Variants in STAG1 observed in about 807,000 individuals in gnomAD.
STAG1 encodes the protein STAG1 cohesin complex component.
A neutral mutation model predicts 170.9 loss-of-function variants in STAG1; 26 were observed. The ratio of observed to expected loss-of-function variants is 0.15; its 90% CI spans 0.11 to 0.21. The LOEUF (loss-of-function observed/expected upper bound fraction) is 0.21. Ranked by LOEUF, STAG1 falls within the 10% of genes least tolerant of loss-of-function variation. STAG1 has a pLI of 1.00. For missense variants in STAG1, 964 were observed against 1,509.5 expected (o/e 0.64, Z 5.99); for synonymous variants, 514 against 497.7 (o/e 1.03, Z -0.44).
At chr3:136,751,263 G>A (rs1935219677) in intron 1 of STAG1, among the ~76,000 whole-genome samples, 1 of 150,730 alleles carries the variant, frequency 6.6e-6, no homozygotes, top group African/African-American at 2.5e-5. Flanking sequence ...AATGTGAAGA[G>A]AATCGACAGA....
intron 22 of STAG1, among the ~76,000 whole-genome samples, chr3:136,396,806 G>A (rs1184381507): frequency 5.3e-5 from 8 of 152,042 alleles, no homozygotes; most frequent in East Asian, 1.9e-4. Context: ...GATTACAGGC[G>A]CGAGCCACCG....
chr3:136,375,629 G>C lies in STAG1; in HGVS notation c.2370+2031C>G, dbSNP rs115603665. Among the ~76,000 whole-genome samples, 987 of 152,112 alleles carry C rather than the reference G, an allele frequency of 6.5e-3. 10 individuals carry two copies. The highest frequency in any genetic ancestry group is 0.023 in the African/African-American group (958 of 41,492). ...TTTTAACCAGCAGGCCATAGTTTTG[G>C]ACATCACCAAGCAGGTCTGATGCAG... On this transcript the variant is annotated intron_variant, in intron 23 of 33. Transcript: ENST00000383202.
chr3:136,526,084 T>C (rs1342721535), intron 6 of STAG1, among the ~76,000 whole-genome samples: 1 of 152,170 alleles, frequency 6.6e-6, no homozygotes, highest in Non-Finnish European at 1.5e-5. Flanking sequence ...TAATTTGGGG[T>C]GGAGAGTTCT....
intron 1 of STAG1, among the ~76,000 whole-genome samples, chr3:136,674,120 A>G (rs995151432): frequency 3.5e-4 from 21 of 59,536 alleles, no homozygotes; most frequent in Non-Finnish European, 4.2e-4. Context: ...AAAAAAAGGG[A>G]GGGAGGGAGG....
intron 7 of STAG1, 51 bp downstream of exon 7, chr3:136,521,162 A>G: frequency 7.0e-7 from 1 of 1,428,176 alleles, no homozygotes; most frequent in Non-Finnish European, 9.8e-7. Context: ...ATCAGAATAA[A>G]ACATAGTCAA....
At chr3:136,683,185 C>T (rs185378396) in intron 1 of STAG1, among the ~76,000 whole-genome samples, 75 of 151,908 alleles carry the variant, frequency 4.9e-4, no homozygotes, top group Non-Finnish European at 3.2e-4. Context: ...ATTGGTTGCA[C>T]AACAATGGGA....
At position 136,588,717 on chromosome 3, in the gene STAG1, T is replaced by TC. The variant is rs1937976741; in HGVS notation, c.297+15591dup. Among the ~76,000 whole-genome samples the TC allele has an allele frequency of 2.0e-5, 3 of 151,676 alleles. No homozygotes were observed. The South Asian group carries it at 6.2e-4, about 31-fold the overall frequency. Reference sequence around the variant, plus strand: ...ATCTCAACTCACCACAACCTCCGCCTCCCGGGTTCAAGTGATTCTGCTGCC... The same window carrying TC: ...ATCTCAACTCACCACAACCTCCGCCTCCCCGGGTTCAAGTGATTCTGCTGCC... On this transcript the variant is annotated intron_variant, in intron 4 of 33. Transcript: ENST00000383202.
intron 13 of STAG1, among the ~76,000 whole-genome samples, chr3:136,462,520 G>A (rs1169464955): frequency 2.0e-5 from 3 of 152,116 alleles, no homozygotes; most frequent in East Asian, 1.9e-4. Flanking sequence ...TAGAATGATC[G>A]CTACCAGAGG....
chr3:136,646,286 G>A (rs1283276893), intron 1 of STAG1, among the ~76,000 whole-genome samples: 1 of 152,112 alleles, frequency 6.6e-6, no homozygotes, highest in African/African-American at 2.4e-5. Context: ...ACCATGCCTG[G>A]CTCAGGTGGA....
chr3:136,381,432 T>G (rs188415139), intron 22 of STAG1, among the ~76,000 whole-genome samples: 133 of 152,180 alleles, frequency 8.7e-4, no homozygotes, highest in African/African-American at 2.8e-3. Flanking sequence ...TAATTAACAA[T>G]GACAAATGCC....
chr3:136,398,525 A>C (rs938590237), intron 22 of STAG1, among the ~76,000 whole-genome samples: 2 of 152,064 alleles, frequency 1.3e-5, no homozygotes, highest in African/African-American at 4.8e-5. Context: ...ATATATATAC[A>C]CACACATAAC....
intron 3 of STAG1, among the ~76,000 whole-genome samples, chr3:136,614,079 G>A (rs1939455524): frequency 6.6e-6 from 1 of 152,138 alleles, no homozygotes; most frequent in Non-Finnish European, 1.5e-5. Context: ...AGCCAGGCAT[G>A]GTGGTACGCG....
chr3:136,549,102 G>A (rs1486130033), intron 5 of STAG1, among the ~76,000 whole-genome samples: 1 of 152,122 alleles, frequency 6.6e-6, no homozygotes, highest in Non-Finnish European at 1.5e-5. Flanking sequence ...TACAGCAGTG[G>A]AAACGGACTA....
chr3:136,736,690 T>C, intron 1 of STAG1: 2 of 1,604,244 alleles, frequency 1.2e-6, no homozygotes, highest in Non-Finnish European at 1.7e-6. Context: ...CTTTGTCGTT[T>C]CCTTTCAGCA....
At chr3:136,722,267 C>T (rs1933327956) in intron 1 of STAG1, among the ~76,000 whole-genome samples, 1 of 152,092 alleles carries the variant, frequency 6.6e-6, no homozygotes, top group Non-Finnish European at 1.5e-5. Context: ...AGTAGCCTCA[C>T]TAAAATTACC....
intron 3 of STAG1, among the ~76,000 whole-genome samples, chr3:136,610,641 A>G (rs566045452): frequency 1.3e-5 from 2 of 152,324 alleles, no homozygotes; most frequent in South Asian, 4.1e-4. Flanking sequence ...AAAAAGAATT[A>G]CAAACTTTTT....
chr3:136,365,163 C>T (rs1937027896), intron 25 of STAG1, among the ~76,000 whole-genome samples: 1 of 152,036 alleles, frequency 6.6e-6, no homozygotes, highest in South Asian at 2.1e-4. Flanking sequence ...TTTTTGGAAC[C>T]AATGAAGTAT....
intron 7 of STAG1, among the ~76,000 whole-genome samples, chr3:136,519,212 C>G (rs1370929714): frequency 1.3e-5 from 2 of 152,072 alleles, no homozygotes; most frequent in Non-Finnish European, 2.9e-5. Context: ...TAATATAGCA[C>G]TCCTCTTATG....
At chr3:136,376,056 T>TAAAATAAAATAAAATAAAATAAAAC (rs1937600344) in intron 23 of STAG1, among the ~76,000 whole-genome samples, 1 of 133,880 alleles carries the variant, frequency 7.5e-6, no homozygotes, top group East Asian at 2.0e-4. Flanking sequence ...TAAAACAAAA[T>TAAAATAAAATAAAATAAAATAAAAC]AAAATAAATG....
Sources: allele counts gnomAD v4.1 joint callset (sites outside exome capture counted in the v4.1 genomes callset), GRCh38; gene constraint gnomAD v4.1.1; transcripts MANE v1.5; gene names NCBI Gene and HGNC (gene_info 2026-07-23, HGNC 2026-07-21).